Variants in SPG11 observed in about 807,000 individuals in gnomAD.
SPG11 encodes the protein SPG11 vesicle trafficking associated, spatacsin, also known as spatacsin.
In SPG11, 222 loss-of-function variants were observed where a neutral mutation model predicts 274.0. That is an observed-to-expected ratio of 0.81 (90% CI 0.73 to 0.91). The LOEUF (loss-of-function observed/expected upper bound fraction) is 0.91, where lower values mean the gene tolerates loss of function less well. Among genes scored for constraint, SPG11 ranks in the 40% least tolerant of loss-of-function variants. The pLI, the probability that SPG11 is intolerant of heterozygous loss-of-function variation, is 0.00. For synonymous variants in SPG11, 1,144 were observed against 1,039.7 expected (o/e 1.10, Z -1.93); for missense variants, 3,114 against 2,872.7 (o/e 1.08, Z -1.92).
rs557324334 is a variant in SPG11 at position 44,575,475 on chromosome 15, C to G, written c.5867-434G>C. Reference sequence around the variant, plus strand: ...TCTCCTGCTGCCAGCCCCTCACCCCCAGTCGGTCTCCAACATACTTTTTTT... The same window carrying G: ...TCTCCTGCTGCCAGCCCCTCACCCCGAGTCGGTCTCCAACATACTTTTTTT... On this transcript the variant is annotated intron_variant, in intron 30 of 39. Transcript: ENST00000261866. 4.6e-5 allele frequency among the ~76,000 whole-genome samples: 7 copies of G among 152,000 alleles called. 1 individual carries two copies. In the South Asian group the frequency reaches 1.2e-3, roughly 27 times the overall value.
Position 44,615,370 on chromosome 15 carries a change from A to G in SPG11, c.3031T>C (p.Cys1011Arg). 1.2e-6 allele frequency: 2 copies of G among 1,613,650 alleles called. No individual in the cohort carries two copies. The highest frequency in any genetic ancestry group is 1.1e-5 in the South Asian group (1 of 91,068). Residue 1011 changes from cysteine (C) to arginine (R), a missense_variant, in exon 16 of 40, where the codon TGT becomes CGT. Coordinates refer to ENST00000261866, the MANE Select transcript of SPG11 (RefSeq NM_025137.4). Reference protein sequence around the residue: ...LQHLLYVYLDCYKLSPENCPF... With the variant: ...LQHLLYVYLDRYKLSPENCPF... ...TGCATTCTCAGTACTCACTTGTAAC[A>G]GTCAAGGTAGACATAAAGAAGATGC... is the stretch of plus-strand genomic sequence containing the variant.
chr15:44,587,718 A>AAAAAAAAAAAAAAAAAAAAAAAAC (rs1567141736), intron 28 of SPG11, among the ~76,000 whole-genome samples: 5 of 148,638 alleles, frequency 3.4e-5, no homozygotes, highest in African/African-American at 1.3e-4. Flanking sequence ...AAAAAAAAAA[A>AAAAAAAAAAAAAAAAAAAAAAAAC]AACGTATTCC....
At chr15:44,660,357 CT>C in intron 2 of SPG11, 74 bp downstream of exon 2, 1 of 1,413,778 alleles carries the variant, frequency 7.1e-7, no homozygotes, top group Non-Finnish European at 9.9e-7. Context: ...ACCTCTATGA[CT>C]TTTCCTGAAG....
chr15:44,612,115 G>A (rs1015053191), intron 17 of SPG11, among the ~76,000 whole-genome samples: 3 of 152,046 alleles, frequency 2.0e-5, no homozygotes, highest in Non-Finnish European at 4.4e-5. Context: ...GGCCTAAAAT[G>A]GTCATTGTCT....
rs1032582109 is a variant in SPG11, at chr15:44,583,201, G to A, written c.5866+613C>T. ...TAACATAAAAAACAGATTTCTGGCC[G>A]GGTGCGGTGGCTCACGCCCTATAAT... On this transcript the variant is annotated intron_variant, in intron 30 of 39. Coordinates refer to ENST00000261866, the MANE Select transcript of SPG11 (RefSeq NM_025137.4). 6.6e-5 allele frequency among the ~76,000 whole-genome samples: 10 copies of A among 152,314 alleles called. No individual in the cohort carries two copies. The South Asian group carries it at 1.5e-3, about 22-fold the overall frequency.
chr15:44,663,268 C>T, intron 1 of SPG11, 123 bp downstream of exon 1: 1 of 1,348,702 alleles, frequency 7.4e-7, no homozygotes, highest in South Asian at 1.3e-5. Context: ...TTTCCTGCAG[C>T]TGGCACCCTT....
chr15:44,652,782 G>A (rs2084824343), intron 4 of SPG11, among the ~76,000 whole-genome samples: 1 of 151,902 alleles, frequency 6.6e-6, no homozygotes, highest in Non-Finnish European at 1.5e-5. Context: ...AGCCTCCCGA[G>A]TAGCTGGGAC....
chr15:44,588,824 A>G (rs1222372599), intron 28 of SPG11, among the ~76,000 whole-genome samples: 1 of 152,200 alleles, frequency 6.6e-6, no homozygotes, highest in Non-Finnish European at 1.5e-5. Context: ...TTGCCATTTA[A>G]TCTGTACTAA....
chr15:44,569,609 A>G, intron 34 of SPG11, 104 bp from the exon 35 acceptor site: 1 of 836,614 alleles, frequency 1.2e-6, no homozygotes, highest in South Asian at 1.4e-5. Flanking sequence ...AAGCTCCAGG[A>G]GGAGAAGGGC....
chr15:44,630,800 G>A (rs2084039554), intron 8 of SPG11, among the ~76,000 whole-genome samples: 1 of 152,018 alleles, frequency 6.6e-6, no homozygotes, highest in South Asian at 2.1e-4. Context: ...GGCTGATCTC[G>A]AACTCTTGAC....
rs1331584604 is a variant in SPG11, at chr15:44,563,303, T to C, written c.7152-2A>G. ...TCAGTAGGCTGATGTTGTTTATATC[T>C]AGATAAAGAAACATAATGTACAGGT... On this transcript the variant is annotated splice_acceptor_variant, in intron 39 of 39. Coordinates refer to ENST00000261866, the MANE Select transcript of SPG11 (RefSeq NM_025137.4). LOFTEE classifies it high-confidence loss of function. 6.2e-7 allele frequency: 1 copy of C among 1,610,864 alleles called. No homozygotes were observed. Among genetic ancestry groups the C allele is most frequent in the South Asian group, 1.1e-5 (1 of 90,976 alleles).
At chr15:44,613,711 G>C (rs982729261) in intron 16 of SPG11, among the ~76,000 whole-genome samples, 175 bp from the exon 17 acceptor site, 5 of 152,164 alleles carry the variant, frequency 3.3e-5, no homozygotes, top group Admixed American at 6.5e-5. Flanking sequence ...TCATGATCTG[G>C]AAACAATTTT....
chr15:44,600,387 T>A, intron 21 of SPG11, 80 bp downstream of exon 21: 1 of 1,507,154 alleles, frequency 6.6e-7, no homozygotes, highest in Non-Finnish European at 9.2e-7. Context: ...TGGGCTCAAG[T>A]GATCCTCCTG....
intron 35 of SPG11, among the ~76,000 whole-genome samples, chr15:44,568,519 G>A (rs1281233941): frequency 1.3e-5 from 2 of 152,180 alleles, no homozygotes; most frequent in African/African-American, 2.4e-5. Flanking sequence ...CTGGAAACAG[G>A]TACTGTGAGG....
In SPG11 at chr15:44,663,427, C is replaced by T; in HGVS notation, c.221G>A (p.Gly74Asp). 6.2e-7 allele frequency: 1 copy of T among 1,605,006 alleles called. No individual in the cohort carries two copies. The highest frequency in any genetic ancestry group is 8.5e-7 in the Non-Finnish European group (1 of 1,176,492). ...QVLSLTPGSR[G>D]GGRCCLEGPF... ...GCCCTCCAGGCAGCAGCGACCCCCGCCCCGGCTGCCAGGCGTCAAAGAAAG... is the reference window on the plus strand; with the variant it reads ...GCCCTCCAGGCAGCAGCGACCCCCGTCCCGGCTGCCAGGCGTCAAAGAAAG... The change falls in exon 1 of 40, where the codon GGC (glycine) becomes GAC (aspartate). Residue 74 changes from glycine (G) to aspartate (D), a missense_variant. Gly to Asp is a moderately conservative substitution (Grantham distance 94). Coordinates refer to ENST00000261866, the MANE Select transcript of SPG11 (RefSeq NM_025137.4).
chr15:44,659,316 A>G lies in SPG11; in HGVS notation c.443-13T>C, dbSNP rs767191947. The stretch of plus-strand genomic sequence containing the variant: ...AATAAGGAAATACCTACAAAACAAA[A>G]GGATATTATTTCAAACTCATTGGTC... On this transcript the variant is annotated splice_polypyrimidine_tract_variant and intron_variant, in intron 2 of 39. Coordinates refer to ENST00000261866, the MANE Select transcript of SPG11 (RefSeq NM_025137.4). The G allele has an allele frequency of 6.2e-7, 1 of 1,600,346 alleles. No individual in the cohort carries two copies. The highest frequency in any genetic ancestry group is 8.6e-7 in the Non-Finnish European group (1 of 1,167,766).
In SPG11 at chr15:44,633,497, C is replaced by A; in HGVS notation, c.1735+8G>T. The stretch of plus-strand genomic sequence containing the variant: ...AAATACAAATGTAGAAATCTTTATT[C>A]CACTTACTTCTTAAATATAAATGGG... On this transcript the variant is annotated splice_region_variant and intron_variant, in intron 8 of 39. Transcript: ENST00000261866. 1 of 1,579,590 alleles carries A rather than the reference C, an allele frequency of 6.3e-7. No individual in the cohort carries two copies. Among genetic ancestry groups the A allele is most frequent in the Non-Finnish European group, 8.7e-7 (1 of 1,153,126 alleles).
At chr15:44,570,406 G>A in intron 34 of SPG11, 119 bp downstream of exon 34, 1 of 1,267,944 alleles carries the variant, frequency 7.9e-7, no homozygotes. Flanking sequence ...CAAGTAGGTA[G>A]TGGTATCCAG....
At chr15:44,603,283 G>C (rs2083241883) in intron 20 of SPG11, among the ~76,000 whole-genome samples, 1 of 152,076 alleles carries the variant, frequency 6.6e-6, no homozygotes, top group Non-Finnish European at 1.5e-5. Context: ...TGTAGAGACA[G>C]TGTCTTGCTA....
Sources: allele counts gnomAD v4.1 joint callset (sites outside exome capture counted in the v4.1 genomes callset), GRCh38; gene constraint gnomAD v4.1.1; transcripts MANE v1.5; gene names NCBI Gene and HGNC (gene_info 2026-07-23, HGNC 2026-07-21).